Variants in ANK3 observed in about 807,000 individuals in gnomAD.
The protein encoded by ANK3 is ankyrin 3, also known as ankyrin-3.
In ANK3, 57 loss-of-function variants were observed where a neutral mutation model predicts 370.9. The observed-to-expected ratio is 0.15, with a 90% confidence interval of 0.12 to 0.19. The LOEUF is 0.19. Ranked by LOEUF, ANK3 falls within the 10% of genes least tolerant of loss-of-function variation. The pLI is 1.00. For missense variants in ANK3, 4,439 were observed against 5,302.1 expected, an observed-to-expected ratio of 0.84 and a Z score of 5.06; for synonymous variants, 1,929 against 1,946.3, an observed-to-expected ratio of 0.99 and a Z score of 0.23.
At chr10:60,348,248 T>C (rs1279944197) in intron 1 of ANK3, among the ~76,000 whole-genome samples, 1 of 151,544 alleles carries the variant, frequency 6.6e-6, no homozygotes, top group Non-Finnish European at 1.5e-5. Context: ...AGCCAGCCCA[T>C]TCTAAGTCTA....
At chr10:60,030,928 C>T (rs2073348998) in intron 43 of ANK3, among the ~76,000 whole-genome samples, 1 of 152,104 alleles carries the variant, frequency 6.6e-6, no homozygotes, top group African/African-American at 2.4e-5. Flanking sequence ...TTGGGGAAGC[C>T]ATTTGTAGCC....
intron 2 of ANK3, among the ~76,000 whole-genome samples, chr10:60,469,982 G>T (rs1443316733): frequency 6.6e-6 from 1 of 151,930 alleles, no homozygotes; most frequent in African/African-American, 2.4e-5. Flanking sequence ...ATTTATCTGT[G>T]TGTAATTTCA....
At chr10:60,235,550 G>GTTTTTTTTTTTTTTTTTTTTTTTTTTTTT (rs72388493) in intron 7 of ANK3, among the ~76,000 whole-genome samples, 3 of 115,052 alleles carry the variant, frequency 2.6e-5, no homozygotes, top group Non-Finnish European at 3.5e-5. Flanking sequence ...CTGATTTCTT[G>GTTTTTTTTTTTTTTTTTTTTTTTTTTTTT]TTTTTTTTTT....
chr10:60,421,632 G>T (rs1024678770), intron 2 of ANK3, among the ~76,000 whole-genome samples: 1 of 151,908 alleles, frequency 6.6e-6, no homozygotes. Context: ...GACTCCCTAG[G>T]AGTTCCCCTC....
Position 60,181,370 on chromosome 10 carries a change from C to T in ANK3, c.2143G>A (p.Val715Ile), listed in dbSNP as rs1057524054. The T allele has an allele frequency of 5.0e-6, 8 of 1,614,182 alleles. No individual in the cohort carries two copies. Among genetic ancestry groups the T allele is most frequent in the Non-Finnish European group, 6.8e-6 (8 of 1,180,034 alleles). Residue 715 changes from valine to isoleucine, a missense_variant, in exon 18 of 44, where the codon GTC becomes ATC. By Grantham distance (29) the Val-to-Ile change is conservative. This residue lies in a region of ANK3 where 702 missense variants were observed against 941.5 expected (regional missense o/e 0.75). Transcript: ENST00000280772. ...AQEDRVNVAE[V>I]LVNQGAHVDA... is the part of the protein sequence containing the mutation. ...ACATGAGCCCCTTGGTTTACGAGGA[C>T]TTCTGCCACATTCACTCGATCTTCT...
chr10:60,074,311 C>G lies in ANK3; in HGVS notation c.6570G>C (p.Glu2190Asp). 1.2e-6 allele frequency: 2 copies of G among 1,614,014 alleles called. No homozygotes were observed. Among genetic ancestry groups the G allele is most frequent in the South Asian group, 1.1e-5 (1 of 91,056 alleles). ...TAGGTGAAGGTTTAGGTGACACAGG[C>G]TCCTCTGGTTGGGTCTGGGGAACAT... ...AGDVPQTQPE[E>D]PVSPKPSPTF... is the part of the protein sequence containing the mutation. Residue 2190 changes from glutamate (E) to aspartate (D), a missense_variant, in exon 37 of 44, where the codon GAG becomes GAC. Glu to Asp is a conservative substitution (Grantham distance 45, BLOSUM62 2). Coordinates refer to ENST00000280772, the MANE Select transcript of ANK3 (RefSeq NM_020987.5).
At chr10:60,187,359 G>T (rs1240201999) in intron 16 of ANK3, among the ~76,000 whole-genome samples, 1 of 151,974 alleles carries the variant, frequency 6.6e-6, no homozygotes, top group Non-Finnish European at 1.5e-5. Context: ...GTTTCACGGT[G>T]TTAGCCAGGA....
chr10:60,323,380 G>C (rs1018701988), intron 1 of ANK3, among the ~76,000 whole-genome samples: 1 of 152,186 alleles, frequency 6.6e-6, no homozygotes, highest in African/African-American at 2.4e-5. Context: ...AGGCTCTAGT[G>C]CTAGAGAAAG....
chr10:60,351,848 T>G (rs2132700122), intron 1 of ANK3, among the ~76,000 whole-genome samples: 1 of 152,186 alleles, frequency 6.6e-6, no homozygotes, highest in Non-Finnish European at 1.5e-5. Context: ...ACTTTTAAAA[T>G]TTCTTTCTAA....
At chr10:60,115,037 CCTGCTAAGAA>C (rs1362130738) in intron 25 of ANK3, among the ~76,000 whole-genome samples, 1 of 152,156 alleles carries the variant, frequency 6.6e-6, no homozygotes, top group Non-Finnish European at 1.5e-5. Flanking sequence ...GCTACAGTTT[CCTGCTAAGAA>C]CATTTGCTGA....
At chr10:60,079,999 G>A (rs1348714602) in intron 36 of ANK3, among the ~76,000 whole-genome samples, 4 of 152,138 alleles carry the variant, frequency 2.6e-5, no homozygotes, top group African/African-American at 4.8e-5. Flanking sequence ...AGGACAGGAG[G>A]AGAGGAAGTG....
At chr10:60,330,353 G>GA (rs1410705056) in intron 1 of ANK3, among the ~76,000 whole-genome samples, 5 of 152,220 alleles carry the variant, frequency 3.3e-5, no homozygotes, top group African/African-American at 1.2e-4. Context: ...GCAGCTTACA[G>GA]AATGGGAGAA....
intron 1 of ANK3, among the ~76,000 whole-genome samples, chr10:60,683,738 G>A (rs2079227639): frequency 6.6e-6 from 1 of 152,090 alleles, no homozygotes; most frequent in African/African-American, 2.4e-5. Context: ...AATTAACATT[G>A]AGCTTCAGAG....
At chr10:60,307,154 C>T (rs565841464) in intron 1 of ANK3, among the ~76,000 whole-genome samples, 44 of 152,282 alleles carry the variant, frequency 2.9e-4, no homozygotes, top group African/African-American at 1.0e-3. Flanking sequence ...CAGCAATGGT[C>T]ATTTGTTTAC....
intron 2 of ANK3, among the ~76,000 whole-genome samples, chr10:60,416,626 C>G (rs537596091): frequency 2.0e-5 from 3 of 152,216 alleles, no homozygotes; most frequent in African/African-American, 7.2e-5. Context: ...CTAAGCTGTA[C>G]AATATAGAAG....
chr10:60,282,104 A>G (rs1383928939), intron 1 of ANK3, among the ~76,000 whole-genome samples: 2 of 152,162 alleles, frequency 1.3e-5, no homozygotes, highest in East Asian at 3.9e-4. Flanking sequence ...CTGTTCAATG[A>G]CTTATCAGTG....
chr10:60,324,831 G>T lies in ANK3; in HGVS notation c.115-45192C>A, dbSNP rs961587922. On this transcript the variant is annotated intron_variant, in intron 1 of 43. Transcript: ENST00000280772. ...TAAAGTTGTGTTTATTGTGGCCACT[G>T]CTATATCCCTAGTGCCTAGAATAGC... 3.3e-5 allele frequency among the ~76,000 whole-genome samples: 5 copies of T among 152,120 alleles called. No homozygotes were observed. In the South Asian group the frequency reaches 6.2e-4, roughly 19 times the overall value.
chr10:60,306,448 T>C (rs1282181959), intron 1 of ANK3, among the ~76,000 whole-genome samples: 1 of 35,288 alleles, frequency 2.8e-5, no homozygotes, highest in African/African-American at 9.8e-5. Context: ...TATATATATA[T>C]ATATATCTAT....
At chr10:60,300,367 A>G (rs2043426509) in intron 1 of ANK3, 1 of 1,289,796 alleles carries the variant, frequency 7.8e-7, no homozygotes, top group Non-Finnish European at 1.0e-6. Context: ...TCTGTGGCCA[A>G]GTAAGAAACC....
Sources: allele counts gnomAD v4.1 joint callset (sites outside exome capture counted in the v4.1 genomes callset), GRCh38; gene constraint gnomAD v4.1.1; regional missense constraint gnomAD v4.1.1; transcripts MANE v1.5; gene names NCBI Gene and HGNC (gene_info 2026-07-23, HGNC 2026-07-21).